The following BIRC6 variants were observed in gnomAD, a reference collection of about 807,000 sequenced individuals.
The protein encoded by BIRC6 is dual E2 ubiquitin-conjugating enzyme/E3 ubiquitin-protein ligase BIRC6.
BIRC6 carries 98 observed loss-of-function variants against 503.3 expected under a neutral mutation model. That is an observed-to-expected ratio of 0.19 (90% CI 0.17 to 0.23). The LOEUF (loss-of-function observed/expected upper bound fraction) is 0.23, where lower values mean the gene tolerates loss of function less well. Among genes scored for constraint, BIRC6 ranks in the 10% least tolerant of loss-of-function variants. The probability of loss-of-function intolerance (pLI) is 1.00; values close to 1 mark genes in which losing one functional copy is unlikely to be tolerated. For missense variants in BIRC6, 5,360 were observed against 5,806.0 expected, an observed-to-expected ratio of 0.92 and a Z score of 2.50; for synonymous variants, 2,240 against 2,078.7, an observed-to-expected ratio of 1.08 and a Z score of -2.11.
At chr2:32,450,536 AT>A (rs1485276304) in intron 22 of BIRC6, among the ~76,000 whole-genome samples, 1 of 152,088 alleles carries the variant, frequency 6.6e-6, no homozygotes, top group Admixed American at 6.5e-5. Context: ...TCTCTACAGC[AT>A]TTTTTGTTGT....
intron 4 of BIRC6, 109 bp downstream of exon 4, chr2:32,389,052 T>C: frequency 1.3e-6 from 1 of 767,764 alleles, no homozygotes; most frequent in Non-Finnish European, 1.8e-6. Context: ...TTTCACAATT[T>C]CTAGCCTAAT....
rs563978690 is a variant in BIRC6, at chr2:32,508,053, C to T, written c.9774C>T (p.Val3258=). The T allele has an allele frequency of 1.2e-6, 2 of 1,613,882 alleles. No individual in the cohort carries two copies. Among genetic ancestry groups the T allele is most frequent in the Non-Finnish European group, 1.7e-6 (2 of 1,179,878 alleles). ...VNMLPLSTPV[V]TSGLTYIKIQ... ...TGCTACCTTTGTCCACTCCTGTTGT[C>T]ACAAGTGGCCTCACCTACATAAAAA... The change falls in exon 51 of 74, where the codon GTC becomes GTT. Residue 3258 remains valine (V), a synonymous_variant. Transcript: ENST00000421745.
chr2:32,549,403 C>A lies in BIRC6; in HGVS notation c.13066C>A (p.Leu4356Ile). 6.6e-7 allele frequency: 1 copy of A among 1,522,882 alleles called. No homozygotes were observed. The highest frequency in any genetic ancestry group is 1.7e-5 in the Admixed American group (1 of 58,794). The allele number at this position is 1,522,882 out of a possible 1,614,324, so 94.3% of individuals were successfully genotyped here. A position where few individuals can be genotyped will look rare whatever the true frequency, so the allele number is the denominator to read the frequency against. The change falls in exon 65 of 74, where the codon CTT becomes ATT. Residue 4356 changes from leucine (L) to isoleucine (I), a missense_variant. Leu to Ile is a conservative substitution (Grantham distance 5, BLOSUM62 2). Coordinates refer to ENST00000421745, the MANE Select transcript of BIRC6 (RefSeq NM_016252.4). The stretch of plus-strand genomic sequence containing the variant: ...GACTAGAGGGCAGAACAGTAATGCC[C>A]TTCCTTCTGTACTTCTCGAGCTTCT... ...HETRGQNSNA[L>I]PSVLLELLSQ...
At chr2:32,578,402 C>G (rs1375464858) in intron 66 of BIRC6, among the ~76,000 whole-genome samples, 1 of 152,118 alleles carries the variant, frequency 6.6e-6, no homozygotes, top group Admixed American at 6.5e-5. Context: ...CTAGAATACT[C>G]TGAGAAGAGA....
chr2:32,410,334 G>T (rs2041726401), intron 9 of BIRC6, among the ~76,000 whole-genome samples: 1 of 152,048 alleles, frequency 6.6e-6, no homozygotes, highest in Non-Finnish European at 1.5e-5. Flanking sequence ...AACCACCTCA[G>T]TCAGCCTTCA....
At chr2:32,485,402 C>T (rs1437739251) in intron 39 of BIRC6, among the ~76,000 whole-genome samples, 1 of 152,060 alleles carries the variant, frequency 6.6e-6, no homozygotes, top group African/African-American at 2.4e-5. Flanking sequence ...TCTTTGTTTC[C>T]ATTATTGTTA....
At chr2:32,376,924 T>G (rs887576922) in intron 1 of BIRC6, among the ~76,000 whole-genome samples, 3 of 152,216 alleles carry the variant, frequency 2.0e-5, no homozygotes, top group South Asian at 2.1e-4. Flanking sequence ...TACCTGTTTT[T>G]GGGCTTCTAT....
intron 8 of BIRC6, among the ~76,000 whole-genome samples, chr2:32,404,730 C>T (rs572172380): frequency 2.0e-5 from 3 of 151,944 alleles, no homozygotes; most frequent in Admixed American, 6.5e-5. Context: ...CCCGGGCTCA[C>T]GGCTCACTGC....
At chr2:32,431,683 A>G (rs2044138458) in intron 12 of BIRC6, among the ~76,000 whole-genome samples, 1 of 152,252 alleles carries the variant, frequency 6.6e-6, no homozygotes, top group African/African-American at 2.4e-5. Context: ...GTAATTTACT[A>G]CTGCAATTAG....
At chr2:32,407,412 T>A (rs2041347419) in intron 9 of BIRC6, among the ~76,000 whole-genome samples, 1 of 129,230 alleles carries the variant, frequency 7.7e-6, no homozygotes, top group South Asian at 2.4e-4. Context: ...GCCATTGCAC[T>A]CCAGCCTGGG....
chr2:32,574,160 CTTTTTTT>C (rs1055060322), intron 65 of BIRC6, among the ~76,000 whole-genome samples: 1 of 124,682 alleles, frequency 8.0e-6, no homozygotes, highest in Non-Finnish European at 1.7e-5. Context: ...ATAACTTTTT[CTTTTTTT>C]TTTTTTTTTT....
chr2:32,522,842 C>T (rs981094904), intron 57 of BIRC6: 1 of 152,182 alleles, frequency 6.6e-6, no homozygotes, highest in Non-Finnish European at 1.5e-5. Context: ...CTGTATAGAT[C>T]TCTGGAGATC....
chr2:32,362,401 C>T (rs564361284), intron 1 of BIRC6, among the ~76,000 whole-genome samples: 19 of 150,136 alleles, frequency 1.3e-4, no homozygotes, highest in African/African-American at 3.4e-4. Context: ...CTGCAAGCTC[C>T]GCCTACCAGG....
intron 54 of BIRC6, 63 bp downstream of exon 54, chr2:32,513,217 TAAAAC>T (rs2054613865): frequency 3.4e-6 from 4 of 1,179,404 alleles, no homozygotes; most frequent in African/African-American, 1.5e-5. Flanking sequence ...GTTCACTTGA[TAAAAC>T]AAAATATTTT....
rs1395745464 is a variant in BIRC6 at position 32,366,803 on chromosome 2, TG to T, written c.325+9318del. Reference sequence around the variant, plus strand: ...TTTGAGACCAGCCTGGGCAACATAGTGAGACCCCGTCTCTACAAAAAAAAAA... The same window carrying T: ...TTTGAGACCAGCCTGGGCAACATAGTAGACCCCGTCTCTACAAAAAAAAAA... On this transcript the variant is annotated intron_variant, in intron 1 of 73. Coordinates refer to ENST00000421745, the MANE Select transcript of BIRC6 (RefSeq NM_016252.4). Among the ~76,000 whole-genome samples the T allele has an allele frequency of 1.9e-4, 28 of 150,788 alleles. No homozygotes were observed. The South Asian group carries it at 3.8e-3, about 20-fold the overall frequency.
Position 32,515,078 on chromosome 2 carries a change from C to T in BIRC6, c.10657C>T (p.His3553Tyr). ...TCTACTTTGCTCAATGTGTCACGTA[C>T]ACCCAAACTATTTTTCTTTGCTCAT... is the stretch of plus-strand genomic sequence containing the variant. Reference protein sequence around the residue: ...DSLLCSMCHVHPNYFSLLMGW... With the variant: ...DSLLCSMCHVYPNYFSLLMGW... The change falls in exon 55 of 74, where the codon CAC becomes TAC. Residue 3553 changes from histidine to tyrosine, a missense_variant. Physicochemically the swap from His to Tyr is moderately conservative, Grantham distance 83. Around this residue, in one of 16 missense-constraint regions of BIRC6, gnomAD observed 878 missense variants for 928.9 expected, o/e 0.95. Coordinates refer to ENST00000421745, the MANE Select transcript of BIRC6 (RefSeq NM_016252.4). 2 of 1,613,962 alleles carry T rather than the reference C, an allele frequency of 1.2e-6. No homozygotes were observed. The highest frequency in any genetic ancestry group is 2.2e-5 in the South Asian group (2 of 91,082).
chr2:32,604,790 C>CA (rs1280511000), intron 71 of BIRC6, among the ~76,000 whole-genome samples: 1 of 152,052 alleles, frequency 6.6e-6, no homozygotes, highest in Non-Finnish European at 1.5e-5. Flanking sequence ...TAGGTAAACT[C>CA]ACGTCACAAG....
rs763337020 is a variant in BIRC6 at position 32,478,797 on chromosome 2, A to G, written c.7231A>G (p.Met2411Val). The G allele has an allele frequency of 6.2e-7, 1 of 1,612,614 alleles. No individual in the cohort carries two copies. Among genetic ancestry groups the G allele is most frequent in the Non-Finnish European group, 8.5e-7 (1 of 1,179,546 alleles). ...TTGGGCTCAGTATTCCTTAACTTGC[A>G]TGCTACAAGATATTTTAGCAGGTGT... The part of the protein sequence containing the change: ...GAWAQYSLTC[M>V]LQDILAGELL... The change falls in exon 36 of 74, where the codon ATG becomes GTG. Residue 2411 changes from methionine (M) to valine (V), a missense_variant. Transcript: ENST00000421745.
chr2:32,559,531 T>C, intron 65 of BIRC6, among the ~76,000 whole-genome samples: 1 of 152,198 alleles, frequency 6.6e-6, no homozygotes, highest in Non-Finnish European at 1.5e-5. Context: ...AAGTAGTTTT[T>C]ATGTTGTTTT....
Sources: allele counts gnomAD v4.1 joint callset (sites outside exome capture counted in the v4.1 genomes callset), GRCh38; gene constraint gnomAD v4.1.1; regional missense constraint gnomAD v4.1.1; transcripts MANE v1.5; gene names NCBI Gene and HGNC (gene_info 2026-07-23, HGNC 2026-07-21).